Variants in CAMKMT observed in about 807,000 individuals in gnomAD.
The protein encoded by CAMKMT is calmodulin-lysine N-methyltransferase, also known as CaM KMT.
A neutral mutation model predicts 48.0 loss-of-function variants in CAMKMT; 53 were observed. The observed-to-expected ratio is 1.10, with a 90% CI of 0.89 to 1.39. The LOEUF (loss-of-function observed/expected upper bound fraction) is 1.39. Ranked by LOEUF, CAMKMT falls within the 40% of genes most tolerant of loss-of-function variation. CAMKMT has a pLI of 0.00. For missense variants in CAMKMT, 428 were observed against 402.7 expected (o/e 1.06, Z -0.54); for synonymous variants, 165 against 152.3 (o/e 1.08, Z -0.61).
intron 3 of CAMKMT, among the ~76,000 whole-genome samples, chr2:44,519,102 G>A (rs533162978): frequency 1.4e-3 from 215 of 152,306 alleles, no homozygotes; most frequent in African/African-American, 5.0e-3. Flanking sequence ...TAGGATAGAT[G>A]AACTCTTAAT....
At chr2:44,470,650 C>T (rs73924773) in intron 3 of CAMKMT, among the ~76,000 whole-genome samples, 3,125 of 152,218 alleles carry the variant, frequency 0.021, 109 homozygotes, top group African/African-American at 0.071. Context: ...TTTTGCTATA[C>T]ATTAATAAAA....
At chr2:44,429,885 G>C (rs1302175) in intron 3 of CAMKMT, among the ~76,000 whole-genome samples, 83,819 of 149,644 alleles carry the variant, frequency 0.56, 24,801 homozygotes, top group Non-Finnish European at 0.66. Context: ...TAATTATGTA[G>C]GGTCTCATTA....
intron 3 of CAMKMT, among the ~76,000 whole-genome samples, chr2:44,692,745 A>G (rs781039395): frequency 3.3e-5 from 5 of 151,958 alleles, no homozygotes; most frequent in Non-Finnish European, 7.4e-5. Flanking sequence ...ATAGTTGAAG[A>G]CCCCCCAGAC....
chr2:44,533,020 GC>G (rs1397222037), intron 3 of CAMKMT, among the ~76,000 whole-genome samples: 8 of 151,768 alleles, frequency 5.3e-5, no homozygotes, highest in Non-Finnish European at 1.2e-4. Flanking sequence ...CGTCATGTTG[GC>G]CAGGCTGGCC....
At chr2:44,626,036 C>T (rs1321848779) in intron 3 of CAMKMT, among the ~76,000 whole-genome samples, 1 of 152,082 alleles carries the variant, frequency 6.6e-6, no homozygotes, top group African/African-American at 2.4e-5. Context: ...TTGGCAATCT[C>T]TAAAAAATCA....
chr2:44,594,896 C>G (rs1417655437), intron 3 of CAMKMT, among the ~76,000 whole-genome samples: 1 of 149,778 alleles, frequency 6.7e-6, no homozygotes, highest in Non-Finnish European at 1.5e-5. Flanking sequence ...TGGGAGAAAA[C>G]TTTTGCAATC....
intron 3 of CAMKMT, among the ~76,000 whole-genome samples, chr2:44,451,805 GCTTCT>G (rs1667302072): frequency 6.6e-6 from 1 of 151,538 alleles, no homozygotes; most frequent in Non-Finnish European, 1.5e-5. Flanking sequence ...TGTAAAATTT[GCTTCT>G]CTTTCACATT....
At chr2:44,470,612 G>C (rs1409934730) in intron 3 of CAMKMT, among the ~76,000 whole-genome samples, 1 of 152,126 alleles carries the variant, frequency 6.6e-6, no homozygotes, top group Non-Finnish European at 1.5e-5. Flanking sequence ...TACGTTTACT[G>C]TCTTTATTTA....
intron 3 of CAMKMT, among the ~76,000 whole-genome samples, chr2:44,590,249 G>T (rs564073232): frequency 6.6e-5 from 10 of 152,214 alleles, no homozygotes; most frequent in African/African-American, 2.4e-4. Flanking sequence ...TCTGGTTTTT[G>T]TATTGGAGTA....
At chr2:44,539,408 T>C (rs760259054) in intron 3 of CAMKMT, among the ~76,000 whole-genome samples, 5 of 152,182 alleles carry the variant, frequency 3.3e-5, no homozygotes, top group Non-Finnish European at 7.3e-5. Flanking sequence ...GATATCCCTT[T>C]ACTTAAAAGT....
intron 1 of CAMKMT, among the ~76,000 whole-genome samples, chr2:44,370,745 G>C (rs899920912): frequency 4.6e-5 from 7 of 151,966 alleles, no homozygotes; most frequent in African/African-American, 1.7e-4. Flanking sequence ...TGTAAGCCTG[G>C]ATTTAGCTGC....
chr2:44,574,188 A>G (rs532480217), intron 3 of CAMKMT, among the ~76,000 whole-genome samples: 17 of 152,376 alleles, frequency 1.1e-4, no homozygotes, highest in Admixed American at 9.8e-4. Context: ...CGGCTATTAT[A>G]CAATGCCACT....
intron 3 of CAMKMT, among the ~76,000 whole-genome samples, chr2:44,527,366 T>TATATAC: frequency 6.9e-6 from 1 of 144,080 alleles, no homozygotes; most frequent in Admixed American, 7.2e-5. Flanking sequence ...TATATATACG[T>TATATAC]ATATACATAC....
intron 2 of CAMKMT, among the ~76,000 whole-genome samples, chr2:44,377,153 C>T (rs1572676344): frequency 1.3e-5 from 2 of 152,172 alleles, no homozygotes; most frequent in East Asian, 3.9e-4. Flanking sequence ...ACTACAGTTA[C>T]ATGCCACCAT....
chr2:44,686,392 C>CAA (rs35238467), intron 3 of CAMKMT, among the ~76,000 whole-genome samples: 1,156 of 113,180 alleles, frequency 0.01, 13 homozygotes, highest in African/African-American at 0.031. Flanking sequence ...GACTCTGCCT[C>CAA]AAAAAAAAAA....
At chr2:44,418,206 A>AAG (rs1324933922) in intron 3 of CAMKMT, among the ~76,000 whole-genome samples, 1 of 151,694 alleles carries the variant, frequency 6.6e-6, no homozygotes, top group Non-Finnish European at 1.5e-5. Context: ...AAAAAAAAAA[A>AAG]AAAGAATTGT....
chr2:44,518,436 C>G (rs185626253), intron 3 of CAMKMT, among the ~76,000 whole-genome samples: 1 of 152,122 alleles, frequency 6.6e-6, no homozygotes. Context: ...AAGGTCACTT[C>G]TAAAACAGCT....
chr2:44,460,582 C>T (rs370843771), intron 3 of CAMKMT, among the ~76,000 whole-genome samples: 1 of 152,100 alleles, frequency 6.6e-6, no homozygotes, highest in Non-Finnish European at 1.5e-5. Context: ...ATTTGTTGAG[C>T]ACCCATTTAT....
intron 3 of CAMKMT, among the ~76,000 whole-genome samples, chr2:44,485,161 A>G (rs1315363582): frequency 6.6e-6 from 1 of 152,216 alleles, no homozygotes; most frequent in Non-Finnish European, 1.5e-5. Flanking sequence ...GTTAAAGCTG[A>G]AAGTATATGC....
Sources: allele counts gnomAD v4.1 joint callset (sites outside exome capture counted in the v4.1 genomes callset), GRCh38; gene constraint gnomAD v4.1.1; transcripts MANE v1.5; gene names NCBI Gene and HGNC (gene_info 2026-07-23, HGNC 2026-07-21).